NPTXR: variants seen among roughly 807,000 people sequenced by gnomAD.
NPTXR encodes neuronal pentraxin receptor.
Under a neutral mutation model 32.2 loss-of-function variants are expected in NPTXR, and 12 were observed. The ratio of observed to expected loss-of-function variants is 0.37; its 90% CI spans 0.24 to 0.60. The LOEUF (loss-of-function observed/expected upper bound fraction) is 0.60. NPTXR is among the 20% of genes least tolerant of loss of function. NPTXR has a pLI of 0.66. For synonymous variants in NPTXR, 323 were observed against 315.8 expected, an observed-to-expected ratio of 1.02 and a Z score of -0.24; for missense variants, 612 against 682.9, an observed-to-expected ratio of 0.90 and a Z score of 1.16.
Position 38,818,951 on chromosome 22 carries a change from T to A in NPTXR, c.*3658A>T, listed in dbSNP as rs1389470355. The A allele has an allele frequency of 6.6e-6, 1 of 152,392 alleles. No individual in the cohort carries two copies. Among genetic ancestry groups the A allele is most frequent in the African/African-American group, 2.4e-5 (1 of 41,452 alleles). 9.4% of individuals were successfully genotyped at this position (152,392 alleles called of 1,614,324 possible). ...CAGAAGGCTGGGCTCAAGTCTCCCG[T>A]GTCCAGCTGGGTGGCCTTGAGGGTC... On this transcript the variant is annotated 3_prime_UTR_variant, in exon 5 of 5. Transcript: ENST00000333039. This position sits in a 1 kb window ranked among gnomAD's most constrained non-coding sequence, Gnocchi z 4.5.
chr22:38,840,015 G>T (rs952845596), intron 1 of NPTXR, among the ~76,000 whole-genome samples: 1 of 152,356 alleles, frequency 6.6e-6, no homozygotes, highest in East Asian at 1.9e-4. Context: ...AAAACCTTTT[G>T]ATTTATTTCA....
intron 1 of NPTXR, among the ~76,000 whole-genome samples, chr22:38,835,140 C>CTTG (rs2058293493): frequency 6.6e-6 from 1 of 152,234 alleles, no homozygotes; most frequent in Non-Finnish European, 1.5e-5. Context: ...CTGCCTCTTG[C>CTTG]CAAGTGCCAG....
intron 3 of NPTXR, 38 bp downstream of exon 3, chr22:38,826,462 C>A: frequency 6.4e-7 from 1 of 1,570,798 alleles, no homozygotes; most frequent in Non-Finnish European, 8.6e-7. Context: ...GGAAGGGTGG[C>A]CCTCCCCCAG....
At chr22:38,825,033 C>G (rs948643352) in intron 3 of NPTXR, among the ~76,000 whole-genome samples, 8 of 152,204 alleles carry the variant, frequency 5.3e-5, no homozygotes, top group African/African-American at 1.7e-4. Flanking sequence ...CAATAGACCA[C>G]CATGCCTGCA....
rs146103113 is a variant in NPTXR at position 38,831,348 on chromosome 22, G to A, written c.625-2836C>T. 1.1e-3 allele frequency among the ~76,000 whole-genome samples: 171 copies of A among 152,228 alleles called. 1 individual carries two copies. Among genetic ancestry groups the A allele is most frequent in the African/African-American group, 3.9e-3 (162 of 41,540 alleles). ...CTTAAGCCCAGGAGGTTGAGGCTGC[G>A]GTGAGTCATGATCATACCACTGCAC... On this transcript the variant is annotated intron_variant, in intron 1 of 4. Transcript: ENST00000333039.
At chr22:38,830,991 G>A (rs9607577) in intron 1 of NPTXR, among the ~76,000 whole-genome samples, 32,135 of 152,144 alleles carry the variant, frequency 0.21, 3,732 homozygotes, top group African/African-American at 0.3. Flanking sequence ...TGGGATGGGC[G>A]AGGAGCCTTA....
Position 38,837,231 on chromosome 22 carries a change from TG to T in NPTXR, c.624+6003del, listed in dbSNP as rs568701207. Among the ~76,000 whole-genome samples, 3 of 152,222 alleles carry T rather than the reference TG, an allele frequency of 2.0e-5. No individual in the cohort carries two copies. The South Asian group carries it at 6.2e-4, about 31-fold the overall frequency. On this transcript the variant is annotated intron_variant, in intron 1 of 4. Coordinates refer to ENST00000333039, the MANE Select transcript of NPTXR (RefSeq NM_014293.4). ...AGCTGGAATTTGCACCCAGGTGATC[TG>T]GCCCTGGAGTCTGTACCAGGAACAT...
At position 38,823,108 on chromosome 22, in the gene NPTXR, C is replaced by T; in HGVS notation, c.1253G>A (p.Gly418Glu). ...CTGCTCCTGGCCCAAGATAAGGATC[C>T]CATGAGGCTTGATGGGGTGCCAGGC... Residue 418 changes from glycine to glutamate, a missense_variant, in exon 4 of 5, where the codon GGG (glycine) becomes GAG (glutamate). By Grantham distance (98) the Gly-to-Glu change is moderately conservative. Transcript: ENST00000333039. 1 of 1,614,170 alleles carries T rather than the reference C, an allele frequency of 6.2e-7. No homozygotes were observed. Among genetic ancestry groups the T allele is most frequent in the South Asian group, 1.1e-5 (1 of 91,084 alleles).
chr22:38,825,845 T>C (rs1212648942), intron 3 of NPTXR, among the ~76,000 whole-genome samples: 91 of 144,700 alleles, frequency 6.3e-4, no homozygotes, highest in East Asian at 2.8e-3. Context: ...TCTCTCTTTT[T>C]TTTTTTTTTT....
intron 1 of NPTXR, among the ~76,000 whole-genome samples, chr22:38,836,760 G>C (rs539703506): frequency 4.6e-5 from 7 of 152,242 alleles, no homozygotes; most frequent in African/African-American, 1.7e-4. Context: ...GACCTCTTCC[G>C]TATCTTGAAT....
In NPTXR at chr22:38,828,513, C is replaced by T. The variant is rs1336451302; in HGVS notation, c.625-1G>A. 3 of 1,588,674 alleles carry T rather than the reference C, an allele frequency of 1.9e-6. No individual in the cohort carries two copies. Among genetic ancestry groups the T allele is most frequent in the Middle Eastern group, 3.6e-4 (2 of 5,570 alleles). ...GGTTCACACGGGCTGGAAGCTCCTG[C>T]TGTTCACAGGGCAGAGAAACAGAAA... is the stretch of plus-strand genomic sequence containing the variant. On this transcript the variant is annotated splice_acceptor_variant, in intron 1 of 4. Transcript: ENST00000333039. LOFTEE classifies it high-confidence loss of function.
At chr22:38,838,621 G>A (rs1291666254) in intron 1 of NPTXR, among the ~76,000 whole-genome samples, 1 of 124,560 alleles carries the variant, frequency 8.0e-6, no homozygotes, top group African/African-American at 3.2e-5. Context: ...TCGCTCTGTC[G>A]CCCAGGCTGG....
chr22:38,831,227 C>A (rs184672685), intron 1 of NPTXR, among the ~76,000 whole-genome samples: 202 of 152,220 alleles, frequency 1.3e-3, no homozygotes, highest in Middle Eastern at 3.4e-3. Flanking sequence ...GGCAACATGG[C>A]GAAACCCCAT....
rs567364588 is a variant in NPTXR, at chr22:38,837,688, G to A, written c.624+5547C>T. On this transcript the variant is annotated intron_variant, in intron 1 of 4. Coordinates refer to ENST00000333039, the MANE Select transcript of NPTXR (RefSeq NM_014293.4). The stretch of plus-strand genomic sequence containing the variant: ...CTTCTGCCCAAGAACTCAGAATGTA[G>A]AGCCTAAGGGGACTGGGACTTAGCT... Among the ~76,000 whole-genome samples the A allele has an allele frequency of 3.0e-4, 45 of 152,148 alleles. No individual in the cohort carries two copies. The East Asian group carries it at 8.5e-3, about 29-fold the overall frequency.
rs1419287407 is a variant in NPTXR, at chr22:38,834,587, A to G, written c.625-6075T>C. Among the ~76,000 whole-genome samples the G allele has an allele frequency of 7.4e-6, 1 of 135,564 alleles. No individual in the cohort carries two copies. Among genetic ancestry groups the G allele is most frequent in the Non-Finnish European group, 1.6e-5 (1 of 63,240 alleles). The allele number at this position is 135,564 out of a possible 152,430, so 88.9% of individuals were successfully genotyped here. A position where few individuals can be genotyped will look rare whatever the true frequency, so the allele number is the denominator to read the frequency against. On this transcript the variant is annotated intron_variant, in intron 1 of 4. Transcript: ENST00000333039. This position sits in a 1 kb window ranked among gnomAD's most constrained non-coding sequence, Gnocchi z 4.4. Reference sequence around the variant, plus strand: ...AGGGCTGCAGAGCACTCATCCATCCATCCATCCATCCATCATCCATCCATC... The same window carrying G: ...AGGGCTGCAGAGCACTCATCCATCCGTCCATCCATCCATCATCCATCCATC...
rs528737630 is a variant in NPTXR at position 38,825,779 on chromosome 22, C to T, written c.1098+721G>A. ...GGAAGTAGAAGGAACGAGGAGGCCACAAGCACTCCCTTCCTCCCTCCATCC... is the reference window on the plus strand; with the variant it reads ...GGAAGTAGAAGGAACGAGGAGGCCATAAGCACTCCCTTCCTCCCTCCATCC... On this transcript the variant is annotated intron_variant, in intron 3 of 4. Coordinates refer to ENST00000333039, the MANE Select transcript of NPTXR (RefSeq NM_014293.4). Among the ~76,000 whole-genome samples the T allele has an allele frequency of 1.1e-4, 17 of 151,770 alleles. 1 individual carries two copies. The South Asian group carries it at 3.5e-3, about 32-fold the overall frequency.
At position 38,828,459 on chromosome 22, in the gene NPTXR, A is replaced by G. The variant is rs1440394469; in HGVS notation, c.678T>C (p.Ala226=). ...TCTTGGAGTGTAGGCCGGTGGGCAC[A>G]GCAGAGACTGGGGCTGGGGCAGCTG... The change falls in exon 2 of 5, where the codon GCT becomes GCC. Residue 226 remains alanine (A), a synonymous_variant. Coordinates refer to ENST00000333039, the MANE Select transcript of NPTXR (RefSeq NM_014293.4). 6.2e-7 allele frequency: 1 copy of G among 1,608,350 alleles called. No individual in the cohort carries two copies. Among genetic ancestry groups the G allele is most frequent in the Non-Finnish European group, 8.5e-7 (1 of 1,178,068 alleles).
chr22:38,840,547 T>C (rs2093130354), intron 1 of NPTXR, among the ~76,000 whole-genome samples: 1 of 151,196 alleles, frequency 6.6e-6, no homozygotes, highest in Non-Finnish European at 1.5e-5. Context: ...CAATCAGAAC[T>C]GGGGGGAGAG....
chr22:38,835,328 C>T (rs2093122377), intron 1 of NPTXR, among the ~76,000 whole-genome samples: 1 of 152,216 alleles, frequency 6.6e-6, no homozygotes, highest in South Asian at 2.1e-4. Flanking sequence ...CCCATACTGC[C>T]ACCCTGCCTT....
Sources: gnomAD v4.1 joint callset for allele counts (sites outside exome capture counted in the v4.1 genomes callset) on GRCh38, gnomAD v4.1.1 for gene constraint, Gnocchi (gnomAD v3.1) non-coding constraint, MANE v1.5 for transcripts, NCBI Gene and HGNC (gene_info 2026-07-23, HGNC 2026-07-21) for gene names.